Variants in DLG2 observed in about 807,000 individuals in gnomAD.
DLG2 encodes disks large homolog 2.
A neutral mutation model predicts 132.5 loss-of-function variants in DLG2; 45 were observed. The ratio of observed to expected loss-of-function variants is 0.34; its 90% confidence interval spans 0.27 to 0.44. The LOEUF (loss-of-function observed/expected upper bound fraction) is 0.44, where lower values mean the gene tolerates loss of function less well. Among genes scored for constraint, DLG2 ranks in the 20% least tolerant of loss-of-function variants. The probability of loss-of-function intolerance (pLI) is 1.00; values close to 1 mark genes in which losing one functional copy is unlikely to be tolerated. For missense variants in DLG2, 1,045 were observed against 1,196.9 expected (o/e 0.87, Z 1.87); for synonymous variants, 424 against 419.6 (o/e 1.01, Z -0.13).
chr11:83,558,199 G>C (rs376784946), intron 19 of DLG2, among the ~76,000 whole-genome samples: 1 of 152,166 alleles, frequency 6.6e-6, no homozygotes, highest in East Asian at 1.9e-4. Context: ...TTGCTGTTCT[G>C]TCTCTTTCAT....
chr11:84,264,577 C>CT (rs1489796688), intron 7 of DLG2, among the ~76,000 whole-genome samples: 1 of 152,138 alleles, frequency 6.6e-6, no homozygotes, highest in Non-Finnish European at 1.5e-5. Context: ...TGTGGGGACT[C>CT]TGTCACAAGT....
At chr11:84,775,219 AATGAGAT>A in intron 6 of DLG2, among the ~76,000 whole-genome samples, 1 of 152,270 alleles carries the variant, frequency 6.6e-6, no homozygotes, top group Non-Finnish European at 1.5e-5. Context: ...TCAAAACCAC[AATGAGAT>A]ACCATCTCAT....
chr11:84,235,087 T>C (rs939200803), intron 8 of DLG2, among the ~76,000 whole-genome samples: 1 of 152,216 alleles, frequency 6.6e-6, no homozygotes, highest in Non-Finnish European at 1.5e-5. Context: ...CTTCTATTCA[T>C]TCCAGGTCTT....
chr11:84,242,344 G>A (rs907268105), intron 8 of DLG2, among the ~76,000 whole-genome samples: 2 of 151,912 alleles, frequency 1.3e-5, no homozygotes, highest in South Asian at 2.1e-4. Context: ...GTCTTCTGTT[G>A]GTTTTTTTTT....
chr11:85,517,946 T>C (rs954669525), intron 3 of DLG2, among the ~76,000 whole-genome samples: 12 of 152,174 alleles, frequency 7.9e-5, no homozygotes, highest in African/African-American at 2.4e-4. Context: ...CACAAGTTCT[T>C]TTCCCTTTGC....
At chr11:85,245,808 C>T (rs1284589794) in intron 4 of DLG2, among the ~76,000 whole-genome samples, 7 of 151,966 alleles carry the variant, frequency 4.6e-5, no homozygotes, top group Admixed American at 2.0e-4. Flanking sequence ...ATCTACTCTA[C>T]TCCAGCCTCA....
At chr11:85,218,995 G>A (rs1272907397) in intron 4 of DLG2, among the ~76,000 whole-genome samples, 2 of 152,190 alleles carry the variant, frequency 1.3e-5, no homozygotes, top group Admixed American at 6.5e-5. Flanking sequence ...AATACCACAT[G>A]TTCTTACTTA....
chr11:85,363,583 T>C (rs1449675732), intron 3 of DLG2, among the ~76,000 whole-genome samples: 2 of 152,214 alleles, frequency 1.3e-5, no homozygotes, highest in African/African-American at 4.8e-5. Flanking sequence ...TAACATGTTG[T>C]AGGAGCTCAA....
intron 19 of DLG2, among the ~76,000 whole-genome samples, chr11:83,566,873 G>A (rs1314746185): frequency 1.3e-5 from 2 of 152,028 alleles, no homozygotes; most frequent in African/African-American, 4.8e-5. Context: ...TTATATGAGA[G>A]TAAATAAAAT....
At chr11:83,496,185 G>GATATAT (rs111574678) in intron 21 of DLG2, among the ~76,000 whole-genome samples, 20 of 144,262 alleles carry the variant, frequency 1.4e-4, no homozygotes, top group Non-Finnish European at 2.0e-4. Context: ...TTTAACATAA[G>GATATAT]ATATATATAT....
rs1429690675 is a variant in DLG2 at position 84,765,775 on chromosome 11, G to A, written c.358-231044C>T. On this transcript the variant is annotated intron_variant, in intron 6 of 27. Transcript: ENST00000376104. The stretch of plus-strand genomic sequence containing the variant: ...ATAAATAAGGTGTTCAGCATTCTAG[G>A]TCACTTCATTTTGGTGTAAGTTTTT... Among the ~76,000 whole-genome samples, 5 of 151,856 alleles carry A rather than the reference G, an allele frequency of 3.3e-5. No homozygotes were observed. In the South Asian group the frequency reaches 8.3e-4, roughly 25 times the overall value.
At chr11:84,840,471 C>T (rs181003674) in intron 6 of DLG2, among the ~76,000 whole-genome samples, 30 of 152,242 alleles carry the variant, frequency 2.0e-4, no homozygotes, top group Admixed American at 4.6e-4. Flanking sequence ...TACCATTTGA[C>T]TCAGTGATCC....
chr11:84,101,138 T>C (rs1367084707), intron 9 of DLG2, among the ~76,000 whole-genome samples: 1 of 152,174 alleles, frequency 6.6e-6, no homozygotes, highest in Non-Finnish European at 1.5e-5. Context: ...CAGGAGTAAG[T>C]ATGTCAGTTT....
At chr11:83,980,791 T>C in intron 11 of DLG2, 149 bp from the exon 12 acceptor site, 1 of 801,222 alleles carries the variant, frequency 1.2e-6, no homozygotes, top group South Asian at 2.5e-5. Context: ...TGTATTTCAA[T>C]CTCGTTATTT....
At chr11:85,058,636 C>A (rs1284035331) in intron 6 of DLG2, among the ~76,000 whole-genome samples, 1 of 151,400 alleles carries the variant, frequency 6.6e-6, no homozygotes, top group East Asian at 1.9e-4. Flanking sequence ...GATATTAAAA[C>A]CTTATGTACA....
At chr11:83,464,239 C>T (rs2090593308) in intron 26 of DLG2, among the ~76,000 whole-genome samples, 1 of 152,198 alleles carries the variant, frequency 6.6e-6, no homozygotes, top group African/African-American at 2.4e-5. Context: ...TCATACACAT[C>T]TTTGATTTTA....
intron 3 of DLG2, among the ~76,000 whole-genome samples, chr11:85,529,003 A>C (rs1256235808): frequency 6.6e-6 from 1 of 152,270 alleles, no homozygotes; most frequent in African/African-American, 2.4e-5. Context: ...AGCAATGAAA[A>C]TTAATGAAGT....
At chr11:84,355,431 A>G (rs1032335256) in intron 7 of DLG2, among the ~76,000 whole-genome samples, 6 of 151,996 alleles carry the variant, frequency 3.9e-5, no homozygotes, top group Admixed American at 6.6e-5. Flanking sequence ...GTGCCATTAT[A>G]AAAGAGTCCC....
chr11:85,233,095 G>T (rs187379725), intron 4 of DLG2, among the ~76,000 whole-genome samples: 16 of 151,482 alleles, frequency 1.1e-4, no homozygotes, highest in East Asian at 1.9e-4. Flanking sequence ...ATTTCATGTG[G>T]TTTTTTTTCC....
Sources: gnomAD v4.1 joint callset for allele counts (sites outside exome capture counted in the v4.1 genomes callset) on GRCh38, gnomAD v4.1.1 for gene constraint, MANE v1.5 for transcripts, NCBI Gene and HGNC (gene_info 2026-07-23, HGNC 2026-07-21) for gene names.